RCAN1: variants seen among roughly 807,000 people sequenced by gnomAD.
RCAN1 encodes the protein regulator of calcineurin 1, also known as calcipressin-1.
In RCAN1, 11 loss-of-function variants were observed where a neutral mutation model predicts 22.9. The ratio of observed to expected loss-of-function variants is 0.48; its 90% CI spans 0.30 to 0.79. The LOEUF is 0.79. RCAN1 is among the 30% of genes least tolerant of loss of function. The probability of loss-of-function intolerance (pLI) is 0.06; values close to 1 mark genes in which losing one functional copy is unlikely to be tolerated. For synonymous variants in RCAN1, 136 were observed against 142.3 expected (o/e 0.96, Z 0.32); for missense variants, 291 against 337.8 (o/e 0.86, Z 1.09).
intron 2 of RCAN1, chr21:34,522,219 CTT>C (rs1984621983): frequency 1.3e-5 from 2 of 150,048 alleles, no homozygotes; most frequent in African/African-American, 4.9e-5. Flanking sequence ...TCCCAGGAGA[CTT>C]TAAGAAATAA....
intron 1 of RCAN1, among the ~76,000 whole-genome samples, chr21:34,529,159 G>T (rs1343186279): frequency 1.3e-5 from 2 of 152,178 alleles, no homozygotes; most frequent in East Asian, 3.8e-4. Context: ...TCAAAATGGT[G>T]GCTGCCACTT....
intron 1 of RCAN1, chr21:34,525,227 G>C: frequency 6.4e-7 from 1 of 1,550,632 alleles, no homozygotes; most frequent in South Asian, 1.2e-5. Flanking sequence ...ATGGGGCTGC[G>C]GGTAGGAGCA....
chr21:34,613,554 T>C (rs1251448593), intron 1 of RCAN1, among the ~76,000 whole-genome samples: 1 of 152,230 alleles, frequency 6.6e-6, no homozygotes, highest in Admixed American at 6.5e-5. Context: ...GACTTGACCT[T>C]GTTCTAGCAG....
intron 1 of RCAN1, among the ~76,000 whole-genome samples, chr21:34,603,075 A>G (rs138706854): frequency 3.4e-4 from 52 of 152,200 alleles, no homozygotes; most frequent in Middle Eastern, 6.8e-3. Context: ...GAAAGGTTCA[A>G]TTACACACTT....
At chr21:34,526,571 A>T (rs1985068746) in intron 1 of RCAN1, 1 of 1,304,942 alleles carries the variant, frequency 7.7e-7, no homozygotes, top group African/African-American at 1.5e-5. Context: ...AACCCACAAG[A>T]GAGCCACATT....
intron 1 of RCAN1, among the ~76,000 whole-genome samples, chr21:34,610,765 G>A (rs532550132): frequency 6.6e-6 from 1 of 152,288 alleles, no homozygotes; most frequent in South Asian, 2.1e-4. Context: ...CTAAGGTTGG[G>A]AGCACTGCTC....
chr21:34,579,459 T>C (rs914009770), intron 1 of RCAN1, among the ~76,000 whole-genome samples: 2 of 152,164 alleles, frequency 1.3e-5, no homozygotes, highest in Non-Finnish European at 2.9e-5. Context: ...AGGCCTTGGG[T>C]AGCACCAGGG....
At chr21:34,535,400 C>CTT (rs1985622131) in intron 1 of RCAN1, among the ~76,000 whole-genome samples, 1 of 126,454 alleles carries the variant, frequency 7.9e-6, no homozygotes, top group African/African-American at 3.6e-5. Flanking sequence ...AAACACATAA[C>CTT]CTTTTTTTTT....
intron 1 of RCAN1, among the ~76,000 whole-genome samples, chr21:34,549,064 T>C (rs1986257152): frequency 6.6e-6 from 1 of 152,184 alleles, no homozygotes; most frequent in African/African-American, 2.4e-5. Flanking sequence ...TTCAATCATC[T>C]CACGCCTGAA....
intron 1 of RCAN1, among the ~76,000 whole-genome samples, chr21:34,576,458 T>G (rs1260832104): frequency 1.3e-5 from 2 of 152,046 alleles, no homozygotes; most frequent in Admixed American, 6.5e-5. Context: ...CAAACCCAAG[T>G]GTGGGGTGGG....
chr21:34,573,259 A>G (rs1048435358), intron 1 of RCAN1, among the ~76,000 whole-genome samples: 1 of 152,160 alleles, frequency 6.6e-6, no homozygotes, highest in African/African-American at 2.4e-5. Context: ...CTTGGGACAC[A>G]TTTTGGCATG....
At chr21:34,521,814 G>A in intron 2 of RCAN1, 156 bp from the exon 3 acceptor site, 1 of 641,754 alleles carries the variant, frequency 1.6e-6, no homozygotes, top group South Asian at 2.0e-5. Flanking sequence ...TCTGTAATGG[G>A]GAGGGCAAAA....
chr21:34,604,698 C>T (rs1457816215), intron 1 of RCAN1, among the ~76,000 whole-genome samples: 1 of 152,164 alleles, frequency 6.6e-6, no homozygotes, highest in Non-Finnish European at 1.5e-5. Flanking sequence ...GAATGACAGG[C>T]AAGTGGGCTG....
At chr21:34,563,435 T>C (rs1209480370) in intron 1 of RCAN1, among the ~76,000 whole-genome samples, 1 of 152,114 alleles carries the variant, frequency 6.6e-6, no homozygotes, top group Non-Finnish European at 1.5e-5. Context: ...GTCTGCTGTT[T>C]ATGACAGAAA....
At chr21:34,521,431 C>G (rs576649760) in intron 3 of RCAN1, 68 bp downstream of exon 3, 1 of 1,610,082 alleles carries the variant, frequency 6.2e-7, no homozygotes, top group Admixed American at 1.7e-5. Context: ...AGTGGTGGTA[C>G]TGCTCCCTGG....
intron 1 of RCAN1, chr21:34,525,024 C>T: frequency 6.5e-7 from 1 of 1,538,718 alleles, no homozygotes; most frequent in South Asian, 1.2e-5. Flanking sequence ...AAGGGGCTGG[C>T]CAGGAAGAAG....
chr21:34,589,790 A>G (rs1011970455), intron 1 of RCAN1, among the ~76,000 whole-genome samples: 2 of 151,896 alleles, frequency 1.3e-5, no homozygotes, highest in East Asian at 3.9e-4. Flanking sequence ...TCGGGCTGGG[A>G]TTTATACCAC....
At chr21:34,613,735 A>T in intron 1 of RCAN1, 3 of 1,470,840 alleles carry the variant, frequency 2.0e-6, no homozygotes, top group Non-Finnish European at 2.7e-6. Flanking sequence ...GGCCATTGTA[A>T]TTCCTTTCAG....
At chr21:34,549,265 C>A (rs1169118626) in intron 1 of RCAN1, among the ~76,000 whole-genome samples, 1 of 152,252 alleles carries the variant, frequency 6.6e-6, no homozygotes, top group Non-Finnish European at 1.5e-5. Flanking sequence ...CAGACAACCA[C>A]TAGCCACAGC....
Sources: gnomAD v4.1 joint callset for allele counts (sites outside exome capture counted in the v4.1 genomes callset) on GRCh38, gnomAD v4.1.1 for gene constraint, MANE v1.5 for transcripts, NCBI Gene and HGNC (gene_info 2026-07-23, HGNC 2026-07-21) for gene names.